Variants in ASAP2 observed in about 807,000 individuals in gnomAD.
ASAP2 encodes the protein arf-GAP with SH3 domain, ANK repeat and PH domain-containing protein 2.
A neutral mutation model predicts 131.4 loss-of-function variants in ASAP2; 45 were observed. The ratio of observed to expected loss-of-function variants is 0.34; its 90% CI spans 0.27 to 0.44. The LOEUF (loss-of-function observed/expected upper bound fraction) is 0.44. Ranked by LOEUF, ASAP2 falls within the 20% of genes least tolerant of loss-of-function variation. The pLI, the probability that ASAP2 is intolerant of heterozygous loss-of-function variation, is 1.00. For missense variants in ASAP2, 1,011 were observed against 1,297.0 expected (o/e 0.78, Z 3.39); for synonymous variants, 510 against 503.0 (o/e 1.01, Z -0.19).
At chr2:9,253,963 T>G (rs1405483454) in intron 1 of ASAP2, among the ~76,000 whole-genome samples, 1 of 151,660 alleles carries the variant, frequency 6.6e-6, no homozygotes, top group Non-Finnish European at 1.5e-5. Flanking sequence ...ATCCCAGCAC[T>G]TTGGGAGGGC....
intron 25 of ASAP2, among the ~76,000 whole-genome samples, chr2:9,400,294 T>C (rs1435012747): frequency 2.2e-4 from 8 of 36,416 alleles, no homozygotes; most frequent in Non-Finnish European, 3.2e-4. Flanking sequence ...CCTTCCTTCC[T>C]TCCTCCCCCA....
At chr2:9,242,950 G>A (rs1201357889) in intron 1 of ASAP2, among the ~76,000 whole-genome samples, 2 of 152,122 alleles carry the variant, frequency 1.3e-5, no homozygotes, top group Non-Finnish European at 2.9e-5. Flanking sequence ...AAAAAAAGAG[G>A]CATAAGCAGC....
intron 3 of ASAP2, among the ~76,000 whole-genome samples, chr2:9,310,913 G>C (rs1669252268): frequency 1.3e-5 from 2 of 152,208 alleles, no homozygotes; most frequent in Non-Finnish European, 2.9e-5. Context: ...TTAGCATAAT[G>C]ATTTTGTTCT....
chr2:9,270,984 G>A (rs1265403640), intron 1 of ASAP2, among the ~76,000 whole-genome samples: 58 of 151,388 alleles, frequency 3.8e-4, no homozygotes, highest in Admixed American at 1.5e-3. Context: ...TAGTAGAGAC[G>A]GGGTTTCACC....
chr2:9,259,392 C>T (rs987499122), intron 1 of ASAP2, among the ~76,000 whole-genome samples: 2 of 152,166 alleles, frequency 1.3e-5, no homozygotes, highest in Admixed American at 1.3e-4. Flanking sequence ...CCCTTCCTTG[C>T]GTCTGCCCCC....
chr2:9,229,664 C>T (rs923671715), intron 1 of ASAP2, among the ~76,000 whole-genome samples: 5 of 152,178 alleles, frequency 3.3e-5, no homozygotes, highest in Non-Finnish European at 5.9e-5. Context: ...GCGTTAGGCA[C>T]GGGGCTGGGC....
intron 17 of ASAP2, among the ~76,000 whole-genome samples, chr2:9,375,600 C>G (rs1024244174): frequency 6.6e-6 from 1 of 152,156 alleles, no homozygotes; most frequent in Non-Finnish European, 1.5e-5. Flanking sequence ...GTAGTCTTAC[C>G]TGGAGTCACC....
rs1474365237 is a variant in ASAP2 at position 9,371,524 on chromosome 2, A to G, written c.1556+3005A>G. On this transcript the variant is annotated intron_variant, in intron 16 of 27. Coordinates refer to ENST00000281419, the MANE Select transcript of ASAP2 (RefSeq NM_003887.3). ...AGATGAAAAGGAATACACTGCTTCT[A>G]GCTTTATTTCAGAACAGCACACCAT... is the stretch of plus-strand genomic sequence containing the variant. Among the ~76,000 whole-genome samples, 4 of 152,318 alleles carry G rather than the reference A, an allele frequency of 2.6e-5. No homozygotes were observed. The East Asian group carries it at 7.7e-4, about 29-fold the overall frequency.
At chr2:9,227,477 T>C (rs535877417) in intron 1 of ASAP2, among the ~76,000 whole-genome samples, 16 of 152,372 alleles carry the variant, frequency 1.1e-4, no homozygotes, top group African/African-American at 3.8e-4. Context: ...TTTTTCTTTT[T>C]TTAAAATAAG....
intron 3 of ASAP2, among the ~76,000 whole-genome samples, chr2:9,317,672 C>G (rs1032130060): frequency 6.7e-6 from 1 of 149,942 alleles, no homozygotes; most frequent in African/African-American, 2.5e-5. Context: ...TCACTCACAT[C>G]CATAATCACA....
rs1435160906 is a variant in ASAP2, at chr2:9,356,197, A to G, written c.1179A>G (p.Gln393=). 2 of 1,614,140 alleles carry G rather than the reference A, an allele frequency of 1.2e-6. No homozygotes were observed. The highest frequency in any genetic ancestry group is 1.7e-5 in the Admixed American group (1 of 60,028). The change falls in exon 14 of 28, where the codon CAA becomes CAG. Residue 393 remains glutamine, a synonymous_variant. Transcript: ENST00000281419. The part of the protein sequence containing the change: ...QECQIWMSVL[Q]NSKEEALNNA... ...TTTCTAGATGGATGTCTGTGCTGCA[A>G]AATAGCAAAGAAGAAGCTTTAAACA...
At chr2:9,213,359 C>T (rs1403146597) in intron 1 of ASAP2, among the ~76,000 whole-genome samples, 1 of 152,098 alleles carries the variant, frequency 6.6e-6, no homozygotes, top group Non-Finnish European at 1.5e-5. Context: ...GAGAGACGGG[C>T]AGAGGGGTGG....
Position 9,400,273 on chromosome 2 carries a change from CT to C in ASAP2, c.2734+203del, listed in dbSNP as rs1558405956. 1.7e-3 allele frequency among the ~76,000 whole-genome samples: 87 copies of C among 51,504 alleles called. 1 individual carries two copies. Among genetic ancestry groups the C allele is most frequent in the Middle Eastern group, 0.012 (1 of 86 alleles). The allele number at this position is 51,504 out of a possible 152,430, so 33.8% of individuals were successfully genotyped here. Reference sequence around the variant, plus strand: ...CTTCCCCTCCTGCCCTCTTCCTCTCCTTCCTTCCCTCCTTCCTTCCTTCCTC... The same window carrying C: ...CTTCCCCTCCTGCCCTCTTCCTCTCCTCCTTCCCTCCTTCCTTCCTTCCTC... On this transcript the variant is annotated intron_variant, in intron 25 of 27. Coordinates refer to ENST00000281419, the MANE Select transcript of ASAP2 (RefSeq NM_003887.3).
chr2:9,367,684 C>T (rs1379304351), intron 15 of ASAP2, among the ~76,000 whole-genome samples: 2 of 152,060 alleles, frequency 1.3e-5, no homozygotes, highest in African/African-American at 4.8e-5. Flanking sequence ...TCACCTGAGC[C>T]TGGGGAGGGC....
At chr2:9,380,662 C>A in intron 19 of ASAP2, 79 bp from the exon 20 acceptor site, 1 of 1,344,736 alleles carries the variant, frequency 7.4e-7, no homozygotes, top group Non-Finnish European at 1.1e-6. Context: ...CCTTTCTGTT[C>A]CTTTTAAAAA....
Position 9,403,306 on chromosome 2 carries a change from T to C in ASAP2, c.3000T>C (p.Phe1000=). 1 of 1,614,176 alleles carries C rather than the reference T, an allele frequency of 6.2e-7. No individual in the cohort carries two copies. The highest frequency in any genetic ancestry group is 8.5e-7 in the Non-Finnish European group (1 of 1,180,022). ...GCAAAGGCGCATTCCCGGTGTCATT[T>C]GTGCACTTTATCGCTGACTGAATTG... is the stretch of plus-strand genomic sequence containing the variant. ...PGRKGAFPVS[F]VHFIAD is the part of the protein sequence containing the mutation. Residue 1000 remains phenylalanine, a synonymous_variant, in exon 28 of 28, where the codon TTT becomes TTC. Transcript: ENST00000281419.
At chr2:9,323,598 C>G (rs1670291823) in intron 6 of ASAP2, among the ~76,000 whole-genome samples, 1 of 152,118 alleles carries the variant, frequency 6.6e-6, no homozygotes, top group Non-Finnish European at 1.5e-5. Flanking sequence ...CAGTGACTGG[C>G]TTGTGGGAGG....
intron 1 of ASAP2, among the ~76,000 whole-genome samples, chr2:9,248,916 T>A (rs1261382535): frequency 6.6e-6 from 1 of 152,214 alleles, no homozygotes; most frequent in Non-Finnish European, 1.5e-5. Flanking sequence ...ATGGAAGCTC[T>A]CCATGTCCCC....
intron 3 of ASAP2, among the ~76,000 whole-genome samples, chr2:9,300,199 C>A (rs1668397546): frequency 6.6e-6 from 1 of 152,242 alleles, no homozygotes. Flanking sequence ...CGCCCCTGTA[C>A]TCCACCTGGG....
Sources: allele counts gnomAD v4.1 joint callset (sites outside exome capture counted in the v4.1 genomes callset), GRCh38; gene constraint gnomAD v4.1.1; transcripts MANE v1.5; gene names NCBI Gene and HGNC (gene_info 2026-07-23, HGNC 2026-07-21).